TSLP: variants seen among roughly 807,000 people sequenced by gnomAD.
The protein encoded by TSLP is thymic stroma-derived lymphopoietin.
A neutral mutation model predicts 12.4 loss-of-function variants in TSLP; 12 were observed. The ratio of observed to expected loss-of-function variants is 0.97; its 90% CI spans 0.62 to 1.57. The LOEUF (loss-of-function observed/expected upper bound fraction) is 1.57, where lower values mean the gene tolerates loss of function less well. TSLP is among the 40% of genes most tolerant of loss of function. The probability of loss-of-function intolerance (pLI) is 0.00; values close to 1 mark genes in which losing one functional copy is unlikely to be tolerated. For synonymous variants in TSLP, 97 were observed against 69.5 expected (o/e 1.40, Z -1.97); for missense variants, 222 against 189.6 (o/e 1.17, Z -1.00).
chr5:111,073,028 C>T, intron 2 of TSLP, 96 bp downstream of exon 2: 8 of 1,465,228 alleles, frequency 5.5e-6, no homozygotes, highest in Non-Finnish European at 7.6e-6. Context: ...CCGAGAGGTG[C>T]CTGGGCTCCG....
In TSLP at chr5:111,075,931, T is replaced by C; in HGVS notation, c.352-15T>C. The C allele has an allele frequency of 6.2e-7, 1 of 1,608,948 alleles. No individual in the cohort carries two copies. Among genetic ancestry groups the C allele is most frequent in the South Asian group, 1.1e-5 (1 of 90,492 alleles). ...GTGAAAAGTAATTTTGACTATTGAT[T>C]CTTATATTCTGCAGATAAATGCTAC... On this transcript the variant is annotated splice_polypyrimidine_tract_variant and intron_variant, in intron 3 of 3. Coordinates refer to ENST00000344895, the MANE Select transcript of TSLP (RefSeq NM_033035.5).
At chr5:111,072,582 T>C (rs1752370840) in intron 1 of TSLP, among the ~76,000 whole-genome samples, 1 of 152,022 alleles carries the variant, frequency 6.6e-6, no homozygotes, top group Admixed American at 6.6e-5. Flanking sequence ...ATGGCCACAG[T>C]ACAGATGCGG....
Position 111,074,995 on chromosome 5 carries a change from C to T in TSLP, c.352-951C>T, listed in dbSNP as rs559882976. Among the ~76,000 whole-genome samples, 10 of 152,242 alleles carry T rather than the reference C, an allele frequency of 6.6e-5. No individual in the cohort carries two copies. The East Asian group carries it at 1.7e-3, about 26-fold the overall frequency. ...TTGAGCTTGAATTAGAAACTCAATA[C>T]CAGACAGCCATATGGGAAACCTATT... On this transcript the variant is annotated intron_variant, in intron 3 of 3. Transcript: ENST00000344895.
At position 111,076,871 on chromosome 5, in the gene TSLP, G is replaced by A. The variant is rs987996878; in HGVS notation, c.*797G>A. On this transcript the variant is annotated 3_prime_UTR_variant, in exon 4 of 4. Transcript: ENST00000344895. ...TCTAAGGGACATTATCTTCCTTCAG[G>A]TTTTTACCTCCACTCATCCTTAGAG... The A allele has an allele frequency of 5.3e-5, 8 of 152,136 alleles. 1 individual carries two copies. Among genetic ancestry groups the A allele is most frequent in the East Asian group, 1.9e-4 (1 of 5,186 alleles). 9.4% of individuals were successfully genotyped at this position (152,136 alleles called of 1,614,324 possible).
chr5:111,072,029 AT>A lies in TSLP; in HGVS notation c.142del (p.Ser48LeufsTer4), dbSNP rs1752352319. ...GATTAAAGCAGCCTATCTCAGTACT[AT>A]TTCTAAAGACCTGATTACATATATG... Reference protein sequence around the residue: ...EKIKAAYLSTISKDLITYMSG... With the variant: ...EKIKAAYLSTXSKDLITYMSG... On this transcript the variant is annotated frameshift_variant, in exon 1 of 4. Coordinates refer to ENST00000344895, the MANE Select transcript of TSLP (RefSeq NM_033035.5). LOFTEE classifies it high-confidence loss of function. 2 of 1,613,942 alleles carry A rather than the reference AT, an allele frequency of 1.2e-6. No homozygotes were observed. The highest frequency in any genetic ancestry group is 1.7e-6 in the Non-Finnish European group (2 of 1,180,034).
rs991510238 is a variant in TSLP at position 111,076,397 on chromosome 5, A to G, written c.*323A>G. 1.2e-5 allele frequency: 3 copies of G among 258,588 alleles called. No homozygotes were observed. The highest frequency in any genetic ancestry group is 2.2e-5 in the Non-Finnish European group (3 of 136,056). The allele number at this position is 258,588 out of a possible 1,614,324, so 16.0% of individuals were successfully genotyped here. On this transcript the variant is annotated 3_prime_UTR_variant, in exon 4 of 4. Transcript: ENST00000344895. Reference sequence around the variant, plus strand: ...AGAACTCTTTTCCCTGAAAAAGGAAAAATATTGAACTCAATGATAGCACCT... The same window carrying G: ...AGAACTCTTTTCCCTGAAAAAGGAAGAATATTGAACTCAATGATAGCACCT...
intron 1 of TSLP, 109 bp from the exon 2 acceptor site, chr5:111,072,779 A>G: frequency 9.0e-7 from 1 of 1,112,438 alleles, no homozygotes. Flanking sequence ...ACCTGAGTGG[A>G]AACTGTTTTC....
rs1180919303 is a variant in TSLP, at chr5:111,077,177, G to C, written c.*1103G>C. On this transcript the variant is annotated 3_prime_UTR_variant, in exon 4 of 4. Transcript: ENST00000344895. ...GAACCCTATAAACACCAGTGGGAAG[G>C]GCAACCCACTGCACGTGGGAATGCA... 2.0e-5 allele frequency: 3 copies of C among 152,170 alleles called. No individual in the cohort carries two copies. The highest frequency in any genetic ancestry group is 1.3e-4 in the Admixed American group (2 of 15,284). 9.4% of individuals were successfully genotyped at this position (152,170 alleles called of 1,614,324 possible).
upstream of TSLP, chr5:111,071,544 T>C: frequency 6.5e-7 from 1 of 1,541,376 alleles, no homozygotes; most frequent in Non-Finnish European, 8.7e-7. Flanking sequence ...ATGACTTTAC[T>C]GATGTTAAAA....
chr5:111,071,043 G>C (rs1424073042), upstream of TSLP: 1 of 161,550 alleles, frequency 6.2e-6, no homozygotes, highest in Admixed American at 6.3e-5. Context: ...GGTGCCCCTA[G>C]CCACCAAGAG....
chr5:111,075,394 GGGAAGGATGGGGAGCA>G (rs1458990754), intron 3 of TSLP, among the ~76,000 whole-genome samples: 2 of 152,082 alleles, frequency 1.3e-5, no homozygotes, highest in African/African-American at 4.8e-5. Context: ...GCAGGGGAGG[GGGAAGGATGGGGAGCA>G]GGAGCATGCA....
chr5:111,071,781 G>A lies in TSLP; in HGVS notation c.-110G>A, dbSNP rs1447897899. 27 of 1,406,160 alleles carry A rather than the reference G, an allele frequency of 1.9e-5. No individual in the cohort carries two copies. The South Asian group carries it at 2.6e-4, about 13-fold the overall frequency. 87.1% of individuals were successfully genotyped at this position (1,406,160 alleles called of 1,614,324 possible). A position where few individuals can be genotyped will look rare whatever the true frequency, so the allele number is the denominator to read the frequency against. On this transcript the variant is annotated 5_prime_UTR_variant, in exon 1 of 4. Transcript: ENST00000344895. Reference sequence around the variant, plus strand: ...GGCTTCCTGTGGACTGGCAATGAGAGGCAAAACCTGGTGCTTGAGCACTGG... The same window carrying A: ...GGCTTCCTGTGGACTGGCAATGAGAAGCAAAACCTGGTGCTTGAGCACTGG...
At chr5:111,070,335 AC>A (rs1224049352), upstream of TSLP, 1 of 149,532 alleles carries the variant, frequency 6.7e-6, no homozygotes, top group Non-Finnish European at 1.5e-5. Context: ...ACGGCGTCCA[AC>A]CTCCTTTCTC....
In TSLP at chr5:111,071,726, C is replaced by T; in HGVS notation, c.-165C>T. The T allele has an allele frequency of 8.4e-7, 1 of 1,195,534 alleles. No individual in the cohort carries two copies. The highest frequency in any genetic ancestry group is 1.2e-6 in the Non-Finnish European group (1 of 857,970). 74.1% of individuals were successfully genotyped at this position (1,195,534 alleles called of 1,614,324 possible). ...AAGCTCTGGAGCATCAGGGAGACTC[C>T]AACTTAAGGCAACAGCATGGGTGAA... On this transcript the variant is annotated 5_prime_UTR_variant, in exon 1 of 4. Coordinates refer to ENST00000344895, the MANE Select transcript of TSLP (RefSeq NM_033035.5).
intron 1 of TSLP, among the ~76,000 whole-genome samples, chr5:111,072,371 G>A (rs574984609): frequency 4.4e-4 from 67 of 152,304 alleles, no homozygotes; most frequent in African/African-American, 1.5e-3. Flanking sequence ...GGAGGTAAGA[G>A]CTTAAGAAAG....
upstream of TSLP, chr5:111,071,299 G>A (rs1264138030): frequency 1.4e-6 from 1 of 710,476 alleles, no homozygotes; most frequent in African/African-American, 1.8e-5. Flanking sequence ...GAAAGCACTA[G>A]TTGAAAGTGG....
Position 111,075,932 on chromosome 5 carries a change from C to G in TSLP, c.352-14C>G. The G allele has an allele frequency of 6.2e-7, 1 of 1,610,594 alleles. No homozygotes were observed. The highest frequency in any genetic ancestry group is 8.5e-7 in the Non-Finnish European group (1 of 1,179,008). ...TGAAAAGTAATTTTGACTATTGATT[C>G]TTATATTCTGCAGATAAATGCTACT... is the stretch of plus-strand genomic sequence containing the variant. On this transcript the variant is annotated splice_polypyrimidine_tract_variant and intron_variant, in intron 3 of 3. Coordinates refer to ENST00000344895, the MANE Select transcript of TSLP (RefSeq NM_033035.5).
Position 111,073,579 on chromosome 5 carries a change from A to AT in TSLP, c.285_286insT (p.Glu96Ter). On this transcript the variant is annotated frameshift_variant, in exon 3 of 4. Coordinates refer to ENST00000344895, the MANE Select transcript of TSLP (RefSeq NM_033035.5). LOFTEE classifies it high-confidence loss of function. Reference sequence around the variant, plus strand: ...CCGCCGGCTGCGCGTCGCTCGCCAAAGAAATGTTCGCCATGAAAACTAAGG... The same window carrying AT: ...CCGCCGGCTGCGCGTCGCTCGCCAAATGAAATGTTCGCCATGAAAACTAAGG... 6.2e-7 allele frequency: 1 copy of AT among 1,614,210 alleles called. No individual in the cohort carries two copies. Among genetic ancestry groups the AT allele is most frequent in the Non-Finnish European group, 8.5e-7 (1 of 1,180,044 alleles).
chr5:111,076,269 T>C lies in TSLP; in HGVS notation c.*195T>C. 1.7e-6 allele frequency: 1 copy of C among 600,926 alleles called. No homozygotes were observed. Among genetic ancestry groups the C allele is most frequent in the Non-Finnish European group, 2.8e-6 (1 of 355,260 alleles). 37.2% of individuals were successfully genotyped at this position (600,926 alleles called of 1,614,324 possible). A position where few individuals can be genotyped will look rare whatever the true frequency, so the allele number is the denominator to read the frequency against. On this transcript the variant is annotated 3_prime_UTR_variant, in exon 4 of 4. Coordinates refer to ENST00000344895, the MANE Select transcript of TSLP (RefSeq NM_033035.5). Reference sequence around the variant, plus strand: ...CAGGGGAAGTACTACTCCTCAAATGTTGAGGGAAGCTTCCATAACATTGAT... The same window carrying C: ...CAGGGGAAGTACTACTCCTCAAATGCTGAGGGAAGCTTCCATAACATTGAT...
Sources: allele counts gnomAD v4.1 joint callset (sites outside exome capture counted in the v4.1 genomes callset), GRCh38; gene constraint gnomAD v4.1.1; transcripts MANE v1.5; gene names NCBI Gene and HGNC (gene_info 2026-07-23, HGNC 2026-07-21).